The following MAGEB4 variants were observed in gnomAD, a reference collection of about 807,000 sequenced individuals.
The protein encoded by MAGEB4 is MAGE family member B4, also known as melanoma-associated antigen B4.
For missense variants in MAGEB4, 237 were observed against 269.3 expected (o/e 0.88, Z 0.84); for synonymous variants, 101 against 101.9 (o/e 0.99, Z 0.05).
At position 30,242,920 on chromosome X, in the gene MAGEB4, A is replaced by G. The variant is rs1213287822; in HGVS notation, c.785A>G (p.Asn262Ser). Reference sequence around the variant, plus strand: ...TATCTGGAATACCAGCAGGTGCCCAACAGTGATCCCCCACGCTATCAATTC... The same window carrying G: ...TATCTGGAATACCAGCAGGTGCCCAGCAGTGATCCCCCACGCTATCAATTC... ...EKYLEYQQVP[N>S]SDPPRYQFLW... Residue 262 changes from asparagine to serine, a missense_variant, in exon 1 of 1, where the codon AAC (asparagine) becomes AGC (serine). Coordinates refer to ENST00000378982, the MANE Select transcript of MAGEB4 (RefSeq NM_002367.4). The G allele has an allele frequency of 8.3e-6, 10 of 1,210,730 alleles. No individual in the cohort carries two copies. The highest frequency in any genetic ancestry group is 1.1e-5 in the Non-Finnish European group (10 of 895,376).
chrX:30,242,353 C>T lies in MAGEB4; in HGVS notation c.218C>T (p.Ala73Val). The T allele has an allele frequency of 8.3e-7, 1 of 1,207,999 alleles. No homozygotes were observed. Among genetic ancestry groups the T allele is most frequent in the Non-Finnish European group, 1.1e-6 (1 of 893,815 alleles). Reference protein sequence around the residue: ...QREPPTTSAAAAMSCTGSDKG... With the variant: ...QREPPTTSAAVAMSCTGSDKG... ...GAGCCACCCACCACCTCTGCTGCTG[C>T]AGCTATGTCATGCACTGGATCTGAT... The change falls in exon 1 of 1, where the codon GCA becomes GTA. Residue 73 changes from alanine (A) to valine (V), a missense_variant. By Grantham distance (64) the Ala-to-Val change is moderately conservative. Transcript: ENST00000378982.
In MAGEB4 at chrX:30,242,663, C is replaced by T; in HGVS notation, c.528C>T (p.Tyr176=). ...LKEVNPTTHS[Y]ILVSMLGPND... is the part of the protein sequence containing the mutation. Reference sequence around the variant, plus strand: ...AGGTCAACCCCACCACTCACTCCTACATCCTCGTCAGCATGCTAGGCCCCA... The same window carrying T: ...AGGTCAACCCCACCACTCACTCCTATATCCTCGTCAGCATGCTAGGCCCCA... The change falls in exon 1 of 1, where the codon TAC becomes TAT. Residue 176 remains tyrosine, a synonymous_variant. Coordinates refer to ENST00000378982, the MANE Select transcript of MAGEB4 (RefSeq NM_002367.4). The T allele has an allele frequency of 2.5e-6, 3 of 1,211,935 alleles. No individual in the cohort carries two copies. The highest frequency in any genetic ancestry group is 1.8e-5 in the South Asian group (1 of 56,948).
rs746741953 is a variant in MAGEB4 at position 30,242,383 on chromosome X, G to T, written c.248G>T (p.Gly83Val). 3.3e-6 allele frequency: 4 copies of T among 1,207,786 alleles called. No homozygotes were observed. The East Asian group carries it at 1.2e-4, about 36-fold the overall frequency. Residue 83 changes from glycine (G) to valine (V), a missense_variant, in exon 1 of 1, where the codon GGC (glycine) becomes GTC (valine). Coordinates refer to ENST00000378982, the MANE Select transcript of MAGEB4 (RefSeq NM_002367.4). ...ATGTCATGCACTGGATCTGATAAAG[G>T]CGACGAGAGCCAAGATGAGGAAAAT... ...AAMSCTGSDKGDESQDEENAS... is the reference protein window; with the variant it reads ...AAMSCTGSDKVDESQDEENAS...
At position 30,243,146 on chromosome X, in the gene MAGEB4, C is replaced by G. The variant is rs1272342351; in HGVS notation, c.1011C>G (p.Ala337=). 8.5e-7 allele frequency: 1 copy of G among 1,179,002 alleles called. No individual in the cohort carries two copies. The highest frequency in any genetic ancestry group is 1.8e-5 in the African/African-American group (1 of 56,179). Residue 337 remains alanine, a synonymous_variant, in exon 1 of 1, where the codon GCC becomes GCG. Coordinates refer to ENST00000378982, the MANE Select transcript of MAGEB4 (RefSeq NM_002367.4). ...CCATGACTAGTGCGTATTCCAGGGCCACATCCAGTAGCTCTTCCCAACCCA... is the reference window on the plus strand; with the variant it reads ...CCATGACTAGTGCGTATTCCAGGGCGACATCCAGTAGCTCTTCCCAACCCA... The part of the protein sequence containing the change: ...TTAMTSAYSR[A]TSSSSSQPM
rs756600209 is a variant in MAGEB4 at position 30,243,078 on chromosome X, G to A, written c.943G>A (p.Ala315Thr). 1 of 1,209,747 alleles carries A rather than the reference G, an allele frequency of 8.3e-7. No homozygotes were observed. The highest frequency in any genetic ancestry group is 1.7e-5 in the African/African-American group (1 of 57,189). Residue 315 changes from alanine to threonine, a missense_variant, in exon 1 of 1, where the codon GCT becomes ACT. Transcript: ENST00000378982. ...GGCTTTGAGAGATGAAGAAGAGAGA[G>A]CTGGAGCCCGGCCCAGAGTTGCAGC... ...EEALRDEEERAGARPRVAARR... is the reference protein window; with the variant it reads ...EEALRDEEERTGARPRVAARR...
At position 30,242,443 on chromosome X, in the gene MAGEB4, G is replaced by A. The variant is rs776392277; in HGVS notation, c.308G>A (p.Arg103Lys). The A allele has an allele frequency of 5.8e-6, 7 of 1,207,972 alleles. No individual in the cohort carries two copies. In the Admixed American group the frequency reaches 1.5e-4, roughly 26 times the overall value. Residue 103 changes from arginine to lysine, a missense_variant, in exon 1 of 1, where the codon AGA becomes AAA. Coordinates refer to ENST00000378982, the MANE Select transcript of MAGEB4 (RefSeq NM_002367.4). Reference sequence around the variant, plus strand: ...TCCCAGGCCTCAACATCCACTGAGAGATCACTCAAAGATTCTCTAACCAGG... The same window carrying A: ...TCCCAGGCCTCAACATCCACTGAGAAATCACTCAAAGATTCTCTAACCAGG... Reference protein sequence around the residue: ...SSSQASTSTERSLKDSLTRKT... With the variant: ...SSSQASTSTEKSLKDSLTRKT...
rs915091675 is a variant in MAGEB4, at chrX:30,243,311, G to A, written c.*135G>A. On this transcript the variant is annotated 3_prime_UTR_variant, in exon 1 of 1. Transcript: ENST00000378982. ...TTTCTTAAAATAGAAAGTTTATTTA[G>A]ATTCAGAATATAAATTTAGAAATGG... The A allele has an allele frequency of 1.6e-5, 8 of 492,779 alleles. No individual in the cohort carries two copies. The African/African-American group carries it at 1.9e-4, about 12-fold the overall frequency. The allele number at this position is 492,779 out of a possible 1,213,427, so 40.6% of individuals were successfully genotyped here.
At position 30,242,203 on chromosome X, in the gene MAGEB4, A is replaced by C. The variant is rs1461747069; in HGVS notation, c.68A>C (p.Gln23Pro). The change falls in exon 1 of 1, where the codon CAG (glutamine) becomes CCG (proline). Residue 23 changes from glutamine (Q) to proline (P), a missense_variant. By Grantham distance (76) the Gln-to-Pro change is moderately conservative (BLOSUM62 -1). Coordinates refer to ENST00000378982, the MANE Select transcript of MAGEB4 (RefSeq NM_002367.4). ...EKRQRTRGQTQDLKVGQPTAA... is the reference protein window; with the variant it reads ...EKRQRTRGQTPDLKVGQPTAA... ...CGCCAGCGGACCCGTGGTCAGACCCAGGATCTCAAGGTTGGTCAGCCTACT... is the reference window on the plus strand; with the variant it reads ...CGCCAGCGGACCCGTGGTCAGACCCCGGATCTCAAGGTTGGTCAGCCTACT... 2 of 1,170,855 alleles carry C rather than the reference A, an allele frequency of 1.7e-6. No homozygotes were observed. The highest frequency in any genetic ancestry group is 2.3e-6 in the Non-Finnish European group (2 of 878,621).
At position 30,242,967 on chromosome X, in the gene MAGEB4, G is replaced by A. The variant is rs1925193696; in HGVS notation, c.832G>A (p.Ala278Thr). ...YQFLWGPRAH[A>T]ETSKMKVLEF... ...ATTCCTGTGGGGTCCAAGAGCTCAT[G>A]CAGAAACCAGCAAGATGAAAGTCCT... The change falls in exon 1 of 1, where the codon GCA becomes ACA. Residue 278 changes from alanine to threonine, a missense_variant. Transcript: ENST00000378982. 1 of 1,210,500 alleles carries A rather than the reference G, an allele frequency of 8.3e-7. No individual in the cohort carries two copies. Among genetic ancestry groups the A allele is most frequent in the Non-Finnish European group, 1.1e-6 (1 of 895,354 alleles).
chrX:30,244,017 TATATC>T lies in MAGEB4; in HGVS notation c.*843_*847del, dbSNP rs1925228113. The T allele has an allele frequency of 8.1e-6, 1 of 123,811 alleles. No individual in the cohort carries two copies. The highest frequency in any genetic ancestry group is 3.2e-5 in the African/African-American group (1 of 30,977). The allele number at this position is 123,811 out of a possible 1,213,427, so 10.2% of individuals were successfully genotyped here. ...GGCATGAATCACTCATTTATTAAAA[TATATC>T]AGGTTGGAGAGTGAGAATTTTTGCA... On this transcript the variant is annotated 3_prime_UTR_variant, in exon 1 of 1. Coordinates refer to ENST00000378982, the MANE Select transcript of MAGEB4 (RefSeq NM_002367.4).
chrX:30,242,788 A>G lies in MAGEB4; in HGVS notation c.653A>G (p.Glu218Gly), dbSNP rs149954634. 37 of 1,210,515 alleles carry G rather than the reference A, an allele frequency of 3.1e-5. No individual in the cohort carries two copies. In the African/African-American group the frequency reaches 5.6e-4, roughly 18 times the overall value. ...TTAAATGGCAACTGTGCCCGTGAAG[A>G]GGAAATCTGGGAATTCCTGAATATG... ...IFLNGNCAREEEIWEFLNMLG... is the reference protein window; with the variant it reads ...IFLNGNCAREGEIWEFLNMLG... The change falls in exon 1 of 1, where the codon GAG becomes GGG. Residue 218 changes from glutamate to glycine, a missense_variant. Glu to Gly is a moderately conservative substitution (Grantham distance 98). Transcript: ENST00000378982.
Position 30,242,781 on chromosome X carries a change from C to G in MAGEB4, c.646C>G (p.Arg216Gly), listed in dbSNP as rs187437526. Reference sequence around the variant, plus strand: ...GATCTTCTTAAATGGCAACTGTGCCCGTGAAGAGGAAATCTGGGAATTCCT... The same window carrying G: ...GATCTTCTTAAATGGCAACTGTGCCGGTGAAGAGGAAATCTGGGAATTCCT... Reference protein sequence around the residue: ...SVIFLNGNCAREEEIWEFLNM... With the variant: ...SVIFLNGNCAGEEEIWEFLNM... The change falls in exon 1 of 1, where the codon CGT (arginine) becomes GGT (glycine). Residue 216 changes from arginine to glycine, a missense_variant. By Grantham distance (125) the Arg-to-Gly change is moderately radical (BLOSUM62 -2). Coordinates refer to ENST00000378982, the MANE Select transcript of MAGEB4 (RefSeq NM_002367.4). The G allele has an allele frequency of 1.6e-5, 19 of 1,210,224 alleles. No homozygotes were observed. Among genetic ancestry groups the G allele is most frequent in the Non-Finnish European group, 2.0e-5 (18 of 895,199 alleles).
In MAGEB4 at chrX:30,242,935, G is replaced by A. The variant is rs151222568; in HGVS notation, c.800G>A (p.Arg267His). 4.7e-4 allele frequency: 566 copies of A among 1,210,267 alleles called. 2 individuals carry two copies. The African/African-American group carries it at 5.6e-3, about 12-fold the overall frequency. ...CAGGTGCCCAACAGTGATCCCCCAC[G>A]CTATCAATTCCTGTGGGGTCCAAGA... Reference protein sequence around the residue: ...YQQVPNSDPPRYQFLWGPRAH... With the variant: ...YQQVPNSDPPHYQFLWGPRAH... Residue 267 changes from arginine (R) to histidine (H), a missense_variant, in exon 1 of 1, where the codon CGC becomes CAC. Coordinates refer to ENST00000378982, the MANE Select transcript of MAGEB4 (RefSeq NM_002367.4).
In MAGEB4 at chrX:30,242,630, C is replaced by T; in HGVS notation, c.495C>T (p.Ala165=). The T allele has an allele frequency of 8.3e-7, 1 of 1,211,650 alleles. No homozygotes were observed. The highest frequency in any genetic ancestry group is 1.1e-6 in the Non-Finnish European group (1 of 895,448). Residue 165 remains alanine (A), a synonymous_variant, in exon 1 of 1, where the codon GCC becomes GCT. Transcript: ENST00000378982. ...SQRTELVFGL[A]LKEVNPTTHS... ...GCACGGAGCTGGTCTTTGGCCTTGCCTTGAAGGAGGTCAACCCCACCACTC... is the reference window on the plus strand; with the variant it reads ...GCACGGAGCTGGTCTTTGGCCTTGCTTTGAAGGAGGTCAACCCCACCACTC...
rs1925159369 is a variant in MAGEB4 at position 30,242,275 on chromosome X, G to A, written c.140G>A (p.Arg47Lys). Residue 47 changes from arginine to lysine, a missense_variant, in exon 1 of 1, where the codon AGG becomes AAG. Coordinates refer to ENST00000378982, the MANE Select transcript of MAGEB4 (RefSeq NM_002367.4). ...CCTTCCTCTTCCTCATCTGTTTTGA[G>A]GGATACTGCCTCCAGCTCCCTTGCT... ...ESPSSSSSVL[R>K]DTASSSLAFG... 1 of 1,204,933 alleles carries A rather than the reference G, an allele frequency of 8.3e-7. No individual in the cohort carries two copies. The highest frequency in any genetic ancestry group is 1.8e-5 in the African/African-American group (1 of 56,828).
rs1446462111 is a variant in MAGEB4 at position 30,243,697 on chromosome X, G to A, written c.*521G>A. The stretch of plus-strand genomic sequence containing the variant: ...CATTGTCTTCCCTCCATTAAGAGAA[G>A]ACTTTAAGAGATGAGGGAGAGAGAG... On this transcript the variant is annotated 3_prime_UTR_variant, in exon 1 of 1. Coordinates refer to ENST00000378982, the MANE Select transcript of MAGEB4 (RefSeq NM_002367.4). The A allele has an allele frequency of 8.0e-6, 1 of 124,568 alleles. No homozygotes were observed. The highest frequency in any genetic ancestry group is 1.9e-5 in the Non-Finnish European group (1 of 53,718). The allele number at this position is 124,568 out of a possible 1,213,427, so 10.3% of individuals were successfully genotyped here.
chrX:30,243,249 C>A lies in MAGEB4; in HGVS notation c.*73C>A. 1.3e-6 allele frequency: 1 copy of A among 749,278 alleles called. No homozygotes were observed. The highest frequency in any genetic ancestry group is 1.9e-6 in the Non-Finnish European group (1 of 530,592). The allele number at this position is 749,278 out of a possible 1,213,427, so 61.7% of individuals were successfully genotyped here. A position where few individuals can be genotyped will look rare whatever the true frequency, so the allele number is the denominator to read the frequency against. On this transcript the variant is annotated 3_prime_UTR_variant, in exon 1 of 1. Transcript: ENST00000378982. ...CTCTGTTCCTGTGATGCATGAATAA[C>A]TCATTGATTTATCTCTTTGTTGTAT...
In MAGEB4 at chrX:30,242,315, G is replaced by T; in HGVS notation, c.180G>T (p.Gln60His). Residue 60 changes from glutamine to histidine, a missense_variant, in exon 1 of 1, where the codon CAG (glutamine) becomes CAT (histidine). By Grantham distance (24) the Gln-to-His change is conservative. Coordinates refer to ENST00000378982, the MANE Select transcript of MAGEB4 (RefSeq NM_002367.4). ...GCTCCCTTGCTTTTGGCATTCCCCAGGAGCCTCAGAGAGAGCCACCCACCA... is the reference window on the plus strand; with the variant it reads ...GCTCCCTTGCTTTTGGCATTCCCCATGAGCCTCAGAGAGAGCCACCCACCA... ...ASSSLAFGIPQEPQREPPTTS... is the reference protein window; with the variant it reads ...ASSSLAFGIPHEPQREPPTTS... The T allele has an allele frequency of 8.3e-7, 1 of 1,205,864 alleles. No individual in the cohort carries two copies. The highest frequency in any genetic ancestry group is 1.7e-5 in the African/African-American group (1 of 57,545).
Position 30,242,501 on chromosome X carries a change from C to G in MAGEB4, c.366C>G (p.Tyr122Ter). ...AGATGTTAGTGCAGTTCCTGCTGTACAAGTATAAAATGAAAGAGCCCACTA... is the reference window on the plus strand; with the variant it reads ...AGATGTTAGTGCAGTTCCTGCTGTAGAAGTATAAAATGAAAGAGCCCACTA... ...KTKMLVQFLL[Y>*]KYKMKEPTTK... Residue 122 changes from tyrosine (Y) to a stop codon, truncating the protein, a stop_gained, in exon 1 of 1, where the codon TAC becomes TAG. Transcript: ENST00000378982. LOFTEE classifies it low-confidence loss of function (END_TRUNC). 1 of 1,210,846 alleles carries G rather than the reference C, an allele frequency of 8.3e-7. No individual in the cohort carries two copies. The highest frequency in any genetic ancestry group is 1.1e-6 in the Non-Finnish European group (1 of 894,867).
Sources: allele counts gnomAD v4.1 joint callset, GRCh38; gene constraint gnomAD v4.1.1; transcripts MANE v1.5; gene names NCBI Gene and HGNC (gene_info 2026-07-23, HGNC 2026-07-21).